ABHD17C: variants seen among roughly 807,000 people sequenced by gnomAD.
ABHD17C encodes the protein abhydrolase domain containing 17C, depalmitoylase, also known as alpha/beta hydrolase domain-containing protein 17C.
Under a neutral mutation model 27.9 loss-of-function variants are expected in ABHD17C, and 11 were observed. The ratio of observed to expected loss-of-function variants is 0.39; its 90% CI spans 0.25 to 0.65. The LOEUF (loss-of-function observed/expected upper bound fraction) is 0.65. Among genes scored for constraint, ABHD17C ranks in the 30% least tolerant of loss-of-function variants. The pLI, the probability that ABHD17C is intolerant of heterozygous loss-of-function variation, is 0.45. For synonymous variants in ABHD17C, 233 were observed against 209.1 expected, an observed-to-expected ratio of 1.11 and a Z score of -0.98; for missense variants, 280 against 470.2, an observed-to-expected ratio of 0.60 and a Z score of 3.74.
intron 1 of ABHD17C, among the ~76,000 whole-genome samples, chr15:80,705,860 G>GT (rs1043518698): frequency 2.0e-5 from 3 of 152,178 alleles, no homozygotes; most frequent in African/African-American, 7.2e-5. Flanking sequence ...CTACCTAGGT[G>GT]TTTATATGCC....
chr15:80,742,874 G>A (rs1895228827), intron 1 of ABHD17C, among the ~76,000 whole-genome samples: 1 of 152,038 alleles, frequency 6.6e-6, no homozygotes, highest in Admixed American at 6.6e-5. Flanking sequence ...AATGTGAACT[G>A]CCAAGGAGAA....
At chr15:80,716,730 G>A (rs1238583275) in intron 1 of ABHD17C, among the ~76,000 whole-genome samples, 1 of 152,154 alleles carries the variant, frequency 6.6e-6, no homozygotes, top group Non-Finnish European at 1.5e-5. Context: ...AACGTGAAGT[G>A]GAGCCTCAAT....
chr15:80,746,817 A>G (rs1478676569), intron 1 of ABHD17C, among the ~76,000 whole-genome samples: 1 of 152,172 alleles, frequency 6.6e-6, no homozygotes, highest in East Asian at 1.9e-4. Flanking sequence ...GAGCTTATAA[A>G]GTCCCATGGC....
rs998329628 is a variant in ABHD17C, at chr15:80,755,043, T to G, written c.*673T>G. Reference sequence around the variant, plus strand: ...TACTATTTTGATTGTCTGGTTGGTTTAACAAAGAGCCTAGCTGACTTTCCT... The same window carrying G: ...TACTATTTTGATTGTCTGGTTGGTTGAACAAAGAGCCTAGCTGACTTTCCT... On this transcript the variant is annotated 3_prime_UTR_variant, in exon 3 of 3. Transcript: ENST00000258884. 2 of 152,228 alleles carry G rather than the reference T, an allele frequency of 1.3e-5. No individual in the cohort carries two copies. Among genetic ancestry groups the G allele is most frequent in the African/African-American group, 4.8e-5 (2 of 41,456 alleles). 9.4% of individuals were successfully genotyped at this position (152,228 alleles called of 1,614,324 possible).
In ABHD17C at chr15:80,754,824, G is replaced by T. The variant is rs937259696; in HGVS notation, c.*454G>T. 2 of 154,992 alleles carry T rather than the reference G, an allele frequency of 1.3e-5. No individual in the cohort carries two copies. The highest frequency in any genetic ancestry group is 4.8e-5 in the African/African-American group (2 of 41,476). The allele number at this position is 154,992 out of a possible 1,614,324, so 9.6% of individuals were successfully genotyped here. On this transcript the variant is annotated 3_prime_UTR_variant, in exon 3 of 3. Coordinates refer to ENST00000258884, the MANE Select transcript of ABHD17C (RefSeq NM_021214.2). ...GTGATAGTGTAACTGGAAAGCTAGT[G>T]TGGTGAAAATTCCTTTATTATTTTT...
chr15:80,708,697 C>T (rs1894683689), intron 1 of ABHD17C, among the ~76,000 whole-genome samples: 1 of 152,238 alleles, frequency 6.6e-6, no homozygotes, highest in South Asian at 2.1e-4. Flanking sequence ...TCCTATCAGG[C>T]ACCTGGACCA....
chr15:80,718,528 T>G (rs925814845), intron 1 of ABHD17C, among the ~76,000 whole-genome samples: 7 of 152,108 alleles, frequency 4.6e-5, no homozygotes, highest in African/African-American at 1.7e-4. Context: ...GAGACGAGGT[T>G]TCACCATGTT....
chr15:80,747,515 G>C (rs1280552770), intron 1 of ABHD17C, among the ~76,000 whole-genome samples: 1 of 152,144 alleles, frequency 6.6e-6, no homozygotes, highest in African/African-American at 2.4e-5. Flanking sequence ...TTTAGTCCTC[G>C]TGGAGGGTGC....
intron 1 of ABHD17C, among the ~76,000 whole-genome samples, chr15:80,713,937 CACATAT>C (rs931414244): frequency 7.0e-6 from 1 of 143,672 alleles, no homozygotes; most frequent in Non-Finnish European, 1.5e-5. Context: ...CACACACACA[CACATAT>C]ATTTATTTAT....
At chr15:80,716,456 A>G (rs1894804676) in intron 1 of ABHD17C, among the ~76,000 whole-genome samples, 2 of 152,124 alleles carry the variant, frequency 1.3e-5, no homozygotes, top group Admixed American at 1.3e-4. Flanking sequence ...CACAATTTCT[A>G]CAAAGTAAGA....
intron 2 of ABHD17C, among the ~76,000 whole-genome samples, chr15:80,753,303 A>G (rs1895388239): frequency 1.3e-5 from 2 of 152,188 alleles, no homozygotes; most frequent in African/African-American, 4.8e-5. Context: ...AAATACTTCA[A>G]CAAACACAAC....
At chr15:80,738,960 A>G (rs973020513) in intron 1 of ABHD17C, among the ~76,000 whole-genome samples, 8 of 152,304 alleles carry the variant, frequency 5.3e-5, no homozygotes, top group South Asian at 4.1e-4. Context: ...AAGGAAATCA[A>G]TTTGAAGACA....
chr15:80,748,213 A>G (rs1895316511), intron 1 of ABHD17C, among the ~76,000 whole-genome samples: 1 of 152,172 alleles, frequency 6.6e-6, no homozygotes, highest in African/African-American at 2.4e-5. Flanking sequence ...AAATCCTGCC[A>G]TTTCCATCAG....
intron 1 of ABHD17C, chr15:80,703,509 G>A (rs1193030630): frequency 6.6e-6 from 1 of 152,202 alleles, no homozygotes; most frequent in Non-Finnish European, 1.5e-5. Flanking sequence ...ACCACCTAAT[G>A]TTTTTGAATT....
Position 80,713,354 on chromosome 15 carries a change from CTTTTTTT to C in ABHD17C, c.590+17357_590+17363del, listed in dbSNP as rs67320992. ...GAAGGAAAGCCACTGAGGTCTTGTT[CTTTTTTT>C]TTTTTTTTTTTTTTTTTTTTTCAAA... On this transcript the variant is annotated intron_variant, in intron 1 of 2. Coordinates refer to ENST00000258884, the MANE Select transcript of ABHD17C (RefSeq NM_021214.2). Among the ~76,000 whole-genome samples the C allele has an allele frequency of 1.8e-4, 8 of 43,842 alleles. No individual in the cohort carries two copies. In the East Asian group the frequency reaches 3.2e-3, roughly 18 times the overall value. The allele number at this position is 43,842 out of a possible 152,430, so 28.8% of individuals were successfully genotyped here.
intron 1 of ABHD17C, among the ~76,000 whole-genome samples, chr15:80,728,433 T>G (rs1895012892): frequency 6.6e-6 from 1 of 152,134 alleles, no homozygotes. Context: ...TATCACCTGG[T>G]GGGGCTGAGC....
At chr15:80,753,853 G>A (rs569743082) in intron 2 of ABHD17C, among the ~76,000 whole-genome samples, 42 of 152,312 alleles carry the variant, frequency 2.8e-4, no homozygotes, top group Middle Eastern at 3.4e-3. Context: ...GTTAATGTAG[G>A]TTCATCAAAG....
intron 1 of ABHD17C, among the ~76,000 whole-genome samples, chr15:80,707,170 TC>T (rs2141492792): frequency 6.6e-6 from 1 of 152,248 alleles, no homozygotes; most frequent in South Asian, 2.1e-4. Flanking sequence ...ATACCCAGTA[TC>T]CCAATGGGGT....
At chr15:80,737,144 A>G (rs1895142339) in intron 1 of ABHD17C, among the ~76,000 whole-genome samples, 1 of 152,154 alleles carries the variant, frequency 6.6e-6, no homozygotes, top group South Asian at 2.1e-4. Flanking sequence ...TGAGAGCAAA[A>G]ACTTGCAAAG....
Sources: allele counts gnomAD v4.1 joint callset (sites outside exome capture counted in the v4.1 genomes callset), GRCh38; gene constraint gnomAD v4.1.1; transcripts MANE v1.5; gene names NCBI Gene and HGNC (gene_info 2026-07-23, HGNC 2026-07-21).